Variants in KIF16B observed in about 807,000 individuals in gnomAD.
The protein encoded by KIF16B is kinesin family member 16B.
A neutral mutation model predicts 156.3 loss-of-function variants in KIF16B; 98 were observed. The ratio of observed to expected loss-of-function variants is 0.63; its 90% CI spans 0.53 to 0.74. The LOEUF is 0.74. Among genes scored for constraint, KIF16B ranks in the 30% least tolerant of loss-of-function variants. The pLI is 0.00. For missense variants in KIF16B, 1,421 were observed against 1,606.5 expected (o/e 0.88, Z 1.97); for synonymous variants, 564 against 583.7 (o/e 0.97, Z 0.49).
At chr20:16,335,194 C>A (rs2064014144) in intron 24 of KIF16B, among the ~76,000 whole-genome samples, 1 of 152,170 alleles carries the variant, frequency 6.6e-6, no homozygotes, top group Non-Finnish European at 1.5e-5. Flanking sequence ...GATTGATCTG[C>A]AGTCAGTTCA....
At chr20:16,534,212 G>A (rs909782394) in intron 1 of KIF16B, among the ~76,000 whole-genome samples, 3 of 151,750 alleles carry the variant, frequency 2.0e-5, no homozygotes, top group Admixed American at 6.6e-5. Flanking sequence ...CTGAGATCGC[G>A]CCACTTCACT....
At chr20:16,457,749 C>T (rs189228332) in intron 12 of KIF16B, among the ~76,000 whole-genome samples, 176 of 152,128 alleles carry the variant, frequency 1.2e-3, no homozygotes, top group African/African-American at 3.9e-3. Flanking sequence ...TAAGGCCTGC[C>T]CTAGATAAGG....
At chr20:16,537,703 C>CTTTT (rs1568659703) in intron 1 of KIF16B, among the ~76,000 whole-genome samples, 6 of 121,738 alleles carry the variant, frequency 4.9e-5, no homozygotes, top group African/African-American at 9.1e-5. Flanking sequence ...TTCTTTTTTT[C>CTTTT]GTTTTTTTTT....
chr20:16,484,577 A>AT (rs1418093433), intron 12 of KIF16B, among the ~76,000 whole-genome samples: 1 of 152,166 alleles, frequency 6.6e-6, no homozygotes, highest in Non-Finnish European at 1.5e-5. Context: ...ACAGTAACGT[A>AT]TTTTTTCTCT....
intron 3 of KIF16B, among the ~76,000 whole-genome samples, chr20:16,518,570 T>C (rs1282343131): frequency 6.6e-6 from 1 of 152,218 alleles, no homozygotes; most frequent in Non-Finnish European, 1.5e-5. Flanking sequence ...TGGGTTGAAT[T>C]AAGGAACAGG....
At chr20:16,373,411 G>A (rs980204818) in intron 20 of KIF16B, among the ~76,000 whole-genome samples, 6 of 152,198 alleles carry the variant, frequency 3.9e-5, no homozygotes, top group Admixed American at 3.9e-4. Flanking sequence ...TAAATGGAGT[G>A]AAGAAGGGTA....
intron 2 of KIF16B, among the ~76,000 whole-genome samples, chr20:16,527,511 A>G (rs2069590737): frequency 6.6e-6 from 1 of 152,220 alleles, no homozygotes; most frequent in Non-Finnish European, 1.5e-5. Flanking sequence ...AAAGTTAATG[A>G]CAAATATCAA....
At chr20:16,322,856 C>T (rs1177909679) in intron 24 of KIF16B, among the ~76,000 whole-genome samples, 1 of 151,990 alleles carries the variant, frequency 6.6e-6, no homozygotes, top group Non-Finnish European at 1.5e-5. Context: ...TTGAGCCAGA[C>T]CCTGTATTAA....
intron 25 of KIF16B, among the ~76,000 whole-genome samples, chr20:16,305,648 T>C (rs2063530498): frequency 6.6e-6 from 1 of 152,202 alleles, no homozygotes; most frequent in Non-Finnish European, 1.5e-5. Context: ...ATTGTATTTT[T>C]GTACCCATTA....
At chr20:16,369,152 C>A (rs1019399117) in intron 22 of KIF16B, 6 of 985,772 alleles carry the variant, frequency 6.1e-6, no homozygotes, top group Non-Finnish European at 6.0e-6. Flanking sequence ...ATGGGATGAT[C>A]CCAGTGGTCG....
chr20:16,387,849 T>G (rs1329936079), intron 17 of KIF16B, among the ~76,000 whole-genome samples: 2 of 151,928 alleles, frequency 1.3e-5, no homozygotes, highest in African/African-American at 2.4e-5. Context: ...GGCGAAGCCT[T>G]CACTTTAGAG....
chr20:16,385,342 G>T (rs187057011), intron 17 of KIF16B, among the ~76,000 whole-genome samples: 6 of 152,238 alleles, frequency 3.9e-5, no homozygotes, highest in African/African-American at 1.4e-4. Context: ...GCAACTGGTG[G>T]CATTTTGGTA....
At chr20:16,310,186 T>A (rs1221619312) in intron 25 of KIF16B, among the ~76,000 whole-genome samples, 2 of 152,252 alleles carry the variant, frequency 1.3e-5, no homozygotes, top group Admixed American at 6.5e-5. Context: ...GTGTGGAAGC[T>A]GTTCTCTAGA....
chr20:16,477,188 GT>G lies in KIF16B; in HGVS notation c.1302+17102del, dbSNP rs553599004. Among the ~76,000 whole-genome samples the G allele has an allele frequency of 1.9e-3, 261 of 140,540 alleles. 2 individuals are homozygous for G. The highest frequency in any genetic ancestry group is 5.3e-3 in the African/African-American group (200 of 38,036). 92.2% of individuals were successfully genotyped at this position (140,540 alleles called of 152,430 possible). ...TCTCTTGCCTTCAATTTCCTTGTGG[GT>G]TTTTTTTTTTTCTCTCCTTAAAAAA... On this transcript the variant is annotated intron_variant, in intron 12 of 25. Transcript: ENST00000354981.
At chr20:16,501,458 C>T (rs1031617144) in intron 10 of KIF16B, among the ~76,000 whole-genome samples, 17 of 151,824 alleles carry the variant, frequency 1.1e-4, no homozygotes, top group African/African-American at 4.1e-4. Context: ...TCTACTAAAA[C>T]TGAACATATG....
At chr20:16,346,290 A>G (rs148602270) in intron 23 of KIF16B, among the ~76,000 whole-genome samples, 4 of 152,246 alleles carry the variant, frequency 2.6e-5, no homozygotes, top group African/African-American at 9.6e-5. Context: ...GTCTGTGGGT[A>G]ACACAAATGG....
intron 1 of KIF16B, among the ~76,000 whole-genome samples, chr20:16,564,898 C>G (rs939507837): frequency 2.6e-5 from 4 of 152,050 alleles, no homozygotes; most frequent in African/African-American, 9.7e-5. Flanking sequence ...GCCTCTCACA[C>G]TGGCGACCTT....
chr20:16,545,262 G>C (rs886467506), intron 1 of KIF16B, among the ~76,000 whole-genome samples: 3 of 152,116 alleles, frequency 2.0e-5, no homozygotes, highest in Admixed American at 6.6e-5. Flanking sequence ...CGGGTGCAGT[G>C]GCACACACCT....
chr20:16,427,174 CAG>C lies in KIF16B; in HGVS notation c.1540_1541del (p.Leu514AspfsTer38). ...IFENIGGTVT[L>X]IPLSGSQCSV... ...AGCACTGGGACCCACTCAGGGGTAT[CAG>C]AGTCACTGTCCCCCCGATATTTTCA... On this transcript the variant is annotated frameshift_variant, in exon 15 of 26. Coordinates refer to ENST00000354981, the MANE Select transcript of KIF16B (RefSeq NM_024704.5). LOFTEE classifies it high-confidence loss of function. 1 of 1,612,948 alleles carries C rather than the reference CAG, an allele frequency of 6.2e-7. No homozygotes were observed. The highest frequency in any genetic ancestry group is 2.2e-5 in the East Asian group (1 of 44,828).
Sources: gnomAD v4.1 joint callset for allele counts (sites outside exome capture counted in the v4.1 genomes callset) on GRCh38, gnomAD v4.1.1 for gene constraint, MANE v1.5 for transcripts, NCBI Gene and HGNC (gene_info 2026-07-23, HGNC 2026-07-21) for gene names.